The following ZNF804B variants were observed in gnomAD, a reference collection of about 807,000 sequenced individuals.
ZNF804B encodes zinc finger 804B.
Under a neutral mutation model 101.4 loss-of-function variants are expected in ZNF804B, and 80 were observed. The observed-to-expected ratio is 0.79, with a 90% CI of 0.66 to 0.95. The LOEUF is 0.95. ZNF804B is among the 40% of genes least tolerant of loss of function. The pLI is 0.00. For missense variants in ZNF804B, 1,673 were observed against 1,561.9 expected (o/e 1.07, Z -1.20); for synonymous variants, 622 against 558.8 (o/e 1.11, Z -1.59).
At chr7:89,064,470 A>T (rs1015611021) in intron 1 of ZNF804B, among the ~76,000 whole-genome samples, 8 of 152,190 alleles carry the variant, frequency 5.3e-5, no homozygotes, top group African/African-American at 1.7e-4. Context: ...TAGCTCACAT[A>T]ACTGAAAAGT....
Position 89,337,486 on chromosome 7 carries a change from T to C in ZNF804B, c.*454T>C, listed in dbSNP as rs900310860. On this transcript the variant is annotated 3_prime_UTR_variant, in exon 4 of 4. Transcript: ENST00000333190. Reference sequence around the variant, plus strand: ...GAAATGAAGCAATTATTTAAAGTAATTTATGTCGTTAACTATTGACTAAGT... The same window carrying C: ...GAAATGAAGCAATTATTTAAAGTAACTTATGTCGTTAACTATTGACTAAGT... 6.6e-6 allele frequency among the ~76,000 whole-genome samples: 1 copy of C among 152,146 alleles called. No homozygotes were observed. The highest frequency in any genetic ancestry group is 2.4e-5 in the African/African-American group (1 of 41,450).
intron 1 of ZNF804B, among the ~76,000 whole-genome samples, chr7:89,103,965 T>C (rs2116342641): frequency 6.6e-6 from 1 of 152,182 alleles, no homozygotes; most frequent in Admixed American, 6.6e-5. Flanking sequence ...TTAAATGCTT[T>C]TTCTGCATCT....
intron 2 of ZNF804B, among the ~76,000 whole-genome samples, chr7:89,263,315 A>T (rs560540805): frequency 1.3e-5 from 2 of 151,906 alleles, no homozygotes; most frequent in Admixed American, 1.3e-4. Context: ...ACCAGCACAG[A>T]CCAGTTAATG....
intron 1 of ZNF804B, among the ~76,000 whole-genome samples, chr7:89,203,014 CACACACAT>C (rs1788667764): frequency 1.3e-5 from 2 of 152,042 alleles, no homozygotes; most frequent in Admixed American, 1.3e-4. Context: ...ACAGCACACA[CACACACAT>C]ACACACACAT....
At chr7:88,792,147 C>T (rs1228603551) in intron 1 of ZNF804B, among the ~76,000 whole-genome samples, 2 of 152,002 alleles carry the variant, frequency 1.3e-5, no homozygotes, top group South Asian at 2.1e-4. Context: ...CGAGATCACA[C>T]GGAATAACTT....
chr7:89,056,865 C>T (rs1040471027), intron 1 of ZNF804B, among the ~76,000 whole-genome samples: 2 of 152,084 alleles, frequency 1.3e-5, no homozygotes, highest in Non-Finnish European at 2.9e-5. Flanking sequence ...GTTTAGTCAT[C>T]GTGTCACTGA....
intron 2 of ZNF804B, among the ~76,000 whole-genome samples, chr7:89,247,062 A>G (rs1049167981): frequency 2.0e-5 from 3 of 151,924 alleles, no homozygotes; most frequent in African/African-American, 7.3e-5. Flanking sequence ...TGGAGCACCC[A>G]CTCTCCTGGA....
intron 2 of ZNF804B, among the ~76,000 whole-genome samples, chr7:89,276,374 A>T (rs763137970): frequency 1.5e-4 from 23 of 152,018 alleles, no homozygotes; most frequent in Non-Finnish European, 2.2e-4. Context: ...CCCCTTGGAT[A>T]TACACACATG....
chr7:89,167,978 A>G (rs1791169289), intron 1 of ZNF804B, among the ~76,000 whole-genome samples: 1 of 152,172 alleles, frequency 6.6e-6, no homozygotes, highest in Admixed American at 6.5e-5. Context: ...TACAATATCT[A>G]TTTCAACAGA....
At chr7:89,255,994 A>G (rs1329009882) in intron 2 of ZNF804B, among the ~76,000 whole-genome samples, 3 of 152,298 alleles carry the variant, frequency 2.0e-5, no homozygotes, top group Admixed American at 6.5e-5. Flanking sequence ...ATTCCAAAAC[A>G]TAATGACCTG....
At chr7:88,819,791 G>A (rs184263802) in intron 1 of ZNF804B, among the ~76,000 whole-genome samples, 141 of 152,090 alleles carry the variant, frequency 9.3e-4, no homozygotes, top group Non-Finnish European at 1.7e-3. Context: ...AAAATTTAGC[G>A]CAATTATTCT....
chr7:88,806,360 T>C (rs1790693415), intron 1 of ZNF804B, among the ~76,000 whole-genome samples: 1 of 152,186 alleles, frequency 6.6e-6, no homozygotes, highest in African/African-American at 2.4e-5. Context: ...ATTATAATTT[T>C]TATTAAGGAT....
intron 1 of ZNF804B, among the ~76,000 whole-genome samples, chr7:89,135,948 G>A (rs1790628762): frequency 1.3e-5 from 2 of 151,982 alleles, no homozygotes; most frequent in Non-Finnish European, 2.9e-5. Context: ...TTTATTGATA[G>A]ATCAGATAAA....
chr7:88,859,540 T>C (rs1281825629), intron 1 of ZNF804B, among the ~76,000 whole-genome samples: 1 of 152,124 alleles, frequency 6.6e-6, no homozygotes, highest in Admixed American at 6.6e-5. Flanking sequence ...TCTTTAATTC[T>C]CTCTTTCATT....
Position 88,788,991 on chromosome 7 carries a change from T to C in ZNF804B, c.108+28907T>C, listed in dbSNP as rs959360982. On this transcript the variant is annotated intron_variant, in intron 1 of 3. Transcript: ENST00000333190. Reference sequence around the variant, plus strand: ...TATATCTACTTATGCTTAAATAAAATATATTTGGTCTAAATTGTATGGAAA... The same window carrying C: ...TATATCTACTTATGCTTAAATAAAACATATTTGGTCTAAATTGTATGGAAA... Among the ~76,000 whole-genome samples, 4 of 152,272 alleles carry C rather than the reference T, an allele frequency of 2.6e-5. No homozygotes were observed. In the South Asian group the frequency reaches 6.2e-4, roughly 24 times the overall value.
At chr7:88,984,923 G>A (rs1793739442) in intron 1 of ZNF804B, among the ~76,000 whole-genome samples, 1 of 151,626 alleles carries the variant, frequency 6.6e-6, no homozygotes, top group Non-Finnish European at 1.5e-5. Context: ...GTCTGCCTTG[G>A]ACTTACCTTA....
In ZNF804B at chr7:89,331,774, C is replaced by T. The variant is rs186233563; in HGVS notation, c.381-1589C>T. ...ATTCTCCCTGAACTATAGAAAAAGA[C>T]TGAAGACAGAATAAAGTACTGAGAT... On this transcript the variant is annotated intron_variant, in intron 3 of 3. Coordinates refer to ENST00000333190, the MANE Select transcript of ZNF804B (RefSeq NM_181646.5). Among the ~76,000 whole-genome samples the T allele has an allele frequency of 1.0e-3, 156 of 151,346 alleles. 1 individual carries two copies. The highest frequency in any genetic ancestry group is 3.6e-3 in the African/African-American group (147 of 41,396).
rs372071027 is a variant in ZNF804B, at chr7:88,838,571, C to G, written c.108+78487C>G. The stretch of plus-strand genomic sequence containing the variant: ...GCTCAAAATAGATTTGTTACCTATA[C>G]TATTAAGTAGATTTTAACATACTAA... On this transcript the variant is annotated intron_variant, in intron 1 of 3. Transcript: ENST00000333190. Among the ~76,000 whole-genome samples the G allele has an allele frequency of 5.3e-5, 8 of 152,016 alleles. No individual in the cohort carries two copies. In the South Asian group the frequency reaches 1.7e-3, roughly 32 times the overall value.
At chr7:88,792,944 C>A (rs1158907097) in intron 1 of ZNF804B, among the ~76,000 whole-genome samples, 1 of 151,586 alleles carries the variant, frequency 6.6e-6, no homozygotes, top group Non-Finnish European at 1.5e-5. Flanking sequence ...TTGTTTGTTA[C>A]ATACAATTTG....
Sources: allele counts gnomAD v4.1 joint callset (sites outside exome capture counted in the v4.1 genomes callset), GRCh38; gene constraint gnomAD v4.1.1; transcripts MANE v1.5; gene names NCBI Gene and HGNC (gene_info 2026-07-23, HGNC 2026-07-21).